The following ATOSA variants were observed in gnomAD, a reference collection of about 807,000 sequenced individuals.
The protein encoded by ATOSA is atos homolog A, also known as atos homolog protein A.
the ATOSA span, among the ~76,000 whole-genome samples, chr15:52,695,956 C>T: frequency 8.2e-4 from 125 of 151,888 alleles, 1 homozygote; most frequent in Non-Finnish European, 1.6e-4. Context: ...GAATGTGGGT[C>T]GGGAGACAGT....
At chr15:52,585,151 A>C in the ATOSA span, 1 of 440,566 alleles carries the variant, frequency 2.3e-6, no homozygotes, top group Non-Finnish European at 4.0e-6. Context: ...GTTTTACAAT[A>C]ATATAAGGTC....
At chr15:52,706,765 A>G in the ATOSA span, among the ~76,000 whole-genome samples, 1 of 152,236 alleles carries the variant, frequency 6.6e-6, no homozygotes, top group South Asian at 2.1e-4. Flanking sequence ...CACAAAATGG[A>G]TGAAATCGAA....
chr15:52,670,183 T>C, the ATOSA span, among the ~76,000 whole-genome samples: 2 of 152,236 alleles, frequency 1.3e-5, no homozygotes, highest in East Asian at 1.9e-4. Context: ...TAAGTGTCCA[T>C]TGATCTTTCA....
the ATOSA span, among the ~76,000 whole-genome samples, chr15:52,636,885 C>T: frequency 2.6e-5 from 4 of 152,188 alleles, no homozygotes; most frequent in South Asian, 8.3e-4. Flanking sequence ...CTGGGGTTTC[C>T]AGAAGTTTTA....
At chr15:52,602,213 G>C in the ATOSA span, among the ~76,000 whole-genome samples, 8 of 152,078 alleles carry the variant, frequency 5.3e-5, no homozygotes, top group Admixed American at 4.6e-4. Context: ...TAATTCATCT[G>C]TATGTGTATG....
chr15:52,627,560 G>T, the ATOSA span, among the ~76,000 whole-genome samples: 20 of 152,168 alleles, frequency 1.3e-4, no homozygotes, highest in East Asian at 3.5e-3. Context: ...GATCTATGTT[G>T]AAGTATGACC....
chr15:52,656,897 A>G, the ATOSA span: 1 of 152,154 alleles, frequency 6.6e-6, no homozygotes, highest in Non-Finnish European at 1.5e-5. Flanking sequence ...TTAAAGATAT[A>G]TTCTGGGATG....
chr15:52,597,223 CTAT>C, the ATOSA span, among the ~76,000 whole-genome samples: 1 of 8,458 alleles, frequency 1.2e-4, no homozygotes, highest in African/African-American at 4.1e-4. Context: ...CTATTCTATT[CTAT>C]TCTATTCTAT....
At chr15:52,694,409 G>A in the ATOSA span, among the ~76,000 whole-genome samples, 1,750 of 152,036 alleles carry the variant, frequency 0.012, 30 homozygotes, top group African/African-American at 0.041. Flanking sequence ...CAGGTGATCC[G>A]CTTTCCTTGG....
At chr15:52,620,936 CA>C in the ATOSA span, among the ~76,000 whole-genome samples, 1 of 151,812 alleles carries the variant, frequency 6.6e-6, no homozygotes, top group Non-Finnish European at 1.5e-5. Context: ...GACTTTGTCT[CA>C]AAAAAATAAA....
At chr15:52,622,313 T>G in the ATOSA span, among the ~76,000 whole-genome samples, 1 of 152,206 alleles carries the variant, frequency 6.6e-6, no homozygotes, top group South Asian at 2.1e-4. Flanking sequence ...AGAACTGGAA[T>G]CTCAGTGAGA....
chr15:52,599,261 C>T, the ATOSA span, among the ~76,000 whole-genome samples: 1 of 152,122 alleles, frequency 6.6e-6, no homozygotes, highest in Admixed American at 6.5e-5. Flanking sequence ...TGCTGAGCCA[C>T]CCGACCCTAA....
the ATOSA span, chr15:52,611,576 G>A: frequency 2.5e-6 from 4 of 1,613,838 alleles, no homozygotes; most frequent in South Asian, 2.2e-5. Flanking sequence ...ACAACTTACT[G>A]TCGAGGAACT....
the ATOSA span, chr15:52,657,153 T>C: frequency 1.3e-5 from 2 of 152,174 alleles, no homozygotes; most frequent in Admixed American, 6.5e-5. Context: ...TCACCAACTC[T>C]AGGTTTAATT....
chr15:52,646,359 T>C, the ATOSA span, among the ~76,000 whole-genome samples: 1 of 152,196 alleles, frequency 6.6e-6, no homozygotes, highest in African/African-American at 2.4e-5. Flanking sequence ...TTGTGCAGAA[T>C]GATTTCTGGA....
At chr15:52,634,777 T>G in the ATOSA span, among the ~76,000 whole-genome samples, 1 of 152,052 alleles carries the variant, frequency 6.6e-6, no homozygotes, top group Non-Finnish European at 1.5e-5. Context: ...AATTTTTGTA[T>G]TTTTGGTAGA....
At chr15:52,611,657 CTG>C in the ATOSA span, 1 of 1,614,026 alleles carries the variant, frequency 6.2e-7, no homozygotes, top group Non-Finnish European at 8.5e-7. Context: ...TCAATTCCCT[CTG>C]TGGTGGGCCC....
chr15:52,661,931 C>CAAAAA, the ATOSA span, among the ~76,000 whole-genome samples: 254 of 73,062 alleles, frequency 3.5e-3, 5 homozygotes, highest in African/African-American at 0.013. Context: ...CAAGCCAGGC[C>CAAAAA]AAAAAAAAAA....
chr15:52,606,683 T>C, the ATOSA span, among the ~76,000 whole-genome samples: 1 of 152,142 alleles, frequency 6.6e-6, no homozygotes, highest in Non-Finnish European at 1.5e-5. Context: ...GAACCGAACA[T>C]TCTTAAGGCC....
Sources: gnomAD v4.1 joint callset for allele counts (sites outside exome capture counted in the v4.1 genomes callset) on GRCh38, gnomAD v4.1.1 for gene constraint, MANE v1.5 for transcripts, NCBI Gene and HGNC (gene_info 2026-07-23, HGNC 2026-07-21) for gene names.